The following HCRTR2 variants were observed in gnomAD, a reference collection of about 807,000 sequenced individuals.
HCRTR2 encodes hypocretin receptor 2.
HCRTR2 carries 22 observed loss-of-function variants against 49.0 expected under a neutral mutation model. The ratio of observed to expected loss-of-function variants is 0.45; its 90% CI spans 0.32 to 0.64. The LOEUF (loss-of-function observed/expected upper bound fraction) is 0.64, where lower values mean the gene tolerates loss of function less well. HCRTR2 is among the 30% of genes least tolerant of loss of function. HCRTR2 has a pLI of 0.04. For missense variants in HCRTR2, 491 were observed against 559.4 expected (o/e 0.88, Z 1.23); for synonymous variants, 236 against 205.3 (o/e 1.15, Z -1.28).
At chr6:55,239,043 G>A (rs1053185665) in intron 1 of HCRTR2, among the ~76,000 whole-genome samples, 1 of 152,156 alleles carries the variant, frequency 6.6e-6, no homozygotes, top group Non-Finnish European at 1.5e-5. Flanking sequence ...ACATCACACT[G>A]GGAACGGGGA....
intron 1 of HCRTR2, among the ~76,000 whole-genome samples, chr6:55,130,101 G>A (rs1191257719): frequency 1.3e-5 from 2 of 151,856 alleles, no homozygotes; most frequent in Non-Finnish European, 2.9e-5. Flanking sequence ...TCCCTCATCT[G>A]TCAGTACTTT....
At chr6:55,263,860 C>T in intron 4 of HCRTR2, 38 bp downstream of exon 4, 1 of 1,172,368 alleles carries the variant, frequency 8.5e-7, no homozygotes, top group East Asian at 2.4e-5. Flanking sequence ...ATTATTCCTC[C>T]ACACATAATT....
intron 1 of HCRTR2, among the ~76,000 whole-genome samples, chr6:55,191,617 C>A (rs1004753634): frequency 6.6e-6 from 1 of 151,860 alleles, no homozygotes; most frequent in African/African-American, 2.4e-5. Flanking sequence ...AGTTATTGGT[C>A]ACAAAATAAA....
At chr6:55,211,382 G>A (rs1237867070) in intron 1 of HCRTR2, among the ~76,000 whole-genome samples, 1 of 152,136 alleles carries the variant, frequency 6.6e-6, no homozygotes, top group Non-Finnish European at 1.5e-5. Flanking sequence ...GCATCAAATG[G>A]TATAAGCCAG....
chr6:55,165,322 A>G (rs1764861181), intron 1 of HCRTR2, among the ~76,000 whole-genome samples: 1 of 152,128 alleles, frequency 6.6e-6, no homozygotes, highest in African/African-American at 2.4e-5. Flanking sequence ...CACCATTCAG[A>G]TTTAACCCAA....
intron 1 of HCRTR2, among the ~76,000 whole-genome samples, chr6:55,213,194 T>TA (rs1232878416): frequency 1.3e-5 from 2 of 151,794 alleles, no homozygotes; most frequent in Non-Finnish European, 2.9e-5. Flanking sequence ...CATAGAAAGG[T>TA]AGAGTGGAAT....
chr6:55,192,155 C>T (rs3006854), intron 1 of HCRTR2, among the ~76,000 whole-genome samples: 42,477 of 151,858 alleles, frequency 0.28, 6,573 homozygotes, highest in African/African-American at 0.41. Context: ...GCATCAGTAA[C>T]AGATAACTTG....
intron 3 of HCRTR2, among the ~76,000 whole-genome samples, chr6:55,260,957 G>A (rs1222978107): frequency 1.3e-5 from 2 of 151,982 alleles, no homozygotes; most frequent in Non-Finnish European, 2.9e-5. Flanking sequence ...ATACATAGAG[G>A]TAATAGCATT....
chr6:55,129,437 A>T (rs1764324611), intron 1 of HCRTR2, among the ~76,000 whole-genome samples: 1 of 152,134 alleles, frequency 6.6e-6, no homozygotes, highest in African/African-American at 2.4e-5. Flanking sequence ...AATCAAATGA[A>T]GATGGCATGA....
chr6:55,175,352 G>A (rs913429647), intron 1 of HCRTR2, among the ~76,000 whole-genome samples: 3 of 152,270 alleles, frequency 2.0e-5, no homozygotes, highest in East Asian at 1.9e-4. Flanking sequence ...GAACCAGCAG[G>A]GAGTGGAGAC....
chr6:55,215,119 A>G (rs1433828633), intron 1 of HCRTR2, among the ~76,000 whole-genome samples: 1 of 152,222 alleles, frequency 6.6e-6, no homozygotes, highest in Non-Finnish European at 1.5e-5. Context: ...AAAAGTCTAT[A>G]CTTCAGCACA....
chr6:55,168,323 T>G (rs1764905232), intron 1 of HCRTR2, among the ~76,000 whole-genome samples: 1 of 152,194 alleles, frequency 6.6e-6, no homozygotes, highest in African/African-American at 2.4e-5. Flanking sequence ...TATGTAAAAT[T>G]TATATAATTT....
At chr6:55,180,096 G>A (rs1187779892) in intron 1 of HCRTR2, among the ~76,000 whole-genome samples, 4 of 152,146 alleles carry the variant, frequency 2.6e-5, no homozygotes, top group Admixed American at 6.5e-5. Flanking sequence ...GGTACTATAT[G>A]CCAGGTACTA....
At chr6:55,140,319 T>C (rs145558242) in intron 1 of HCRTR2, among the ~76,000 whole-genome samples, 9 of 152,292 alleles carry the variant, frequency 5.9e-5, no homozygotes, top group African/African-American at 2.2e-4. Flanking sequence ...CAAGGAGTTC[T>C]AGTCTGTCCT....
intron 1 of HCRTR2, among the ~76,000 whole-genome samples, chr6:55,191,034 TC>T (rs759290746): frequency 2.0e-5 from 3 of 152,020 alleles, no homozygotes; most frequent in Non-Finnish European, 4.4e-5. Context: ...TTAAAACACC[TC>T]CCTTGAAATG....
chr6:55,215,077 A>C (rs1765764194), intron 1 of HCRTR2, among the ~76,000 whole-genome samples: 1 of 152,322 alleles, frequency 6.6e-6, no homozygotes, highest in Admixed American at 6.5e-5. Context: ...CTGAATCCAG[A>C]GCACAATGGC....
intron 3 of HCRTR2, among the ~76,000 whole-genome samples, chr6:55,262,128 G>T (rs1014473095): frequency 1.3e-5 from 2 of 151,514 alleles, no homozygotes; most frequent in African/African-American, 4.8e-5. Context: ...GTGAGGGAGA[G>T]GGGGTGAAGG....
chr6:55,134,803 C>T (rs1464220699), intron 1 of HCRTR2, among the ~76,000 whole-genome samples: 5 of 151,996 alleles, frequency 3.3e-5, no homozygotes, highest in Non-Finnish European at 7.4e-5. Context: ...TTGCAAATGG[C>T]AGGATTTCCT....
chr6:55,137,294 C>T (rs111846413), intron 1 of HCRTR2, among the ~76,000 whole-genome samples: 4 of 152,146 alleles, frequency 2.6e-5, no homozygotes, highest in East Asian at 3.9e-4. Flanking sequence ...TGCAAACAGC[C>T]TGAAAGGCAG....
Sources: gnomAD v4.1 joint callset for allele counts (sites outside exome capture counted in the v4.1 genomes callset) on GRCh38, gnomAD v4.1.1 for gene constraint, MANE v1.5 for transcripts, NCBI Gene and HGNC (gene_info 2026-07-23, HGNC 2026-07-21) for gene names.